Variants in PCDHA6 observed in about 807,000 individuals in gnomAD.
PCDHA6 encodes protocadherin alpha 6, also known as protocadherin alpha-6.
Under a neutral mutation model 60.3 loss-of-function variants are expected in PCDHA6, and 55 were observed. The ratio of observed to expected loss-of-function variants is 0.91; its 90% CI spans 0.73 to 1.14. PCDHA6 has a LOEUF of 1.14. Ranked by LOEUF, PCDHA6 falls within the 50% of genes most tolerant of loss-of-function variation. The pLI, the probability that PCDHA6 is intolerant of heterozygous loss-of-function variation, is 0.00. For synonymous variants in PCDHA6, 652 were observed against 557.9 expected (o/e 1.17, Z -2.38); for missense variants, 1,327 against 1,256.5 (o/e 1.06, Z -0.85).
intron 1 of PCDHA6, among the ~76,000 whole-genome samples, chr5:140,906,637 C>A (rs1171706512): frequency 6.6e-6 from 1 of 152,226 alleles, no homozygotes; most frequent in Non-Finnish European, 1.5e-5. Flanking sequence ...AGCACCTCAG[C>A]AGGTAGTGGT....
rs1354913404 is a variant in PCDHA6 at position 140,858,709 on chromosome 5, A to G, written c.2394+28224A>G. 5 of 545,256 alleles carry G rather than the reference A, an allele frequency of 9.2e-6. 1 individual carries two copies. The African/African-American group carries it at 9.7e-5, about 11-fold the overall frequency. The allele number at this position is 545,256 out of a possible 1,614,324, so 33.8% of individuals were successfully genotyped here. A position where few individuals can be genotyped will look rare whatever the true frequency, so the allele number is the denominator to read the frequency against. ...ATATTTTCCAATACAAATATGTGATATAGGTTGCAGTTCTGACGATTTACT... is the reference window on the plus strand; with the variant it reads ...ATATTTTCCAATACAAATATGTGATGTAGGTTGCAGTTCTGACGATTTACT... On this transcript the variant is annotated intron_variant, in intron 1 of 3. Transcript: ENST00000529310.
chr5:140,927,839 G>T (rs782594719), intron 1 of PCDHA6: 1 of 1,614,208 alleles, frequency 6.2e-7, no homozygotes, highest in South Asian at 1.1e-5. Context: ...AGGGACGAAG[G>T]TGTCTTTGGT....
Position 140,838,414 on chromosome 5 carries a change from G to A in PCDHA6, c.2394+7929G>A, listed in dbSNP as rs2150289048. 3.3e-5 allele frequency among the ~76,000 whole-genome samples: 5 copies of A among 151,096 alleles called. No homozygotes were observed. The South Asian group carries it at 6.3e-4, about 19-fold the overall frequency. On this transcript the variant is annotated intron_variant, in intron 1 of 3. Coordinates refer to ENST00000529310, the MANE Select transcript of PCDHA6 (RefSeq NM_018909.4). ...GCTGGGATTACAGGAGTGAGCCACC[G>A]CATCCGGCCTAAATTATATATTGGG...
At chr5:140,926,926 T>C in intron 1 of PCDHA6, 1 of 1,573,576 alleles carries the variant, frequency 6.4e-7, no homozygotes, top group South Asian at 1.2e-5. Flanking sequence ...TTTATGTTTG[T>C]GGGTTTCCTG....
At chr5:140,845,616 T>C (rs1554140941) in intron 1 of PCDHA6, among the ~76,000 whole-genome samples, 1 of 149,626 alleles carries the variant, frequency 6.7e-6, no homozygotes, top group Non-Finnish European at 1.5e-5. Flanking sequence ...TATTGTGGAT[T>C]CTGAAGCTCT....
chr5:141,006,503 G>A (rs1163915409), intron 3 of PCDHA6, among the ~76,000 whole-genome samples: 2 of 152,168 alleles, frequency 1.3e-5, no homozygotes, highest in South Asian at 2.1e-4. Context: ...GTGAGCCACC[G>A]CGCCTGGCTG....
At chr5:140,887,357 A>G (rs112910602) in intron 1 of PCDHA6, among the ~76,000 whole-genome samples, 1 of 152,032 alleles carries the variant, frequency 6.6e-6, no homozygotes, top group Non-Finnish European at 1.5e-5. Flanking sequence ...CGGCCTCCCA[A>G]AGTGCTGGGA....
intron 1 of PCDHA6, chr5:140,882,906 C>G: frequency 6.2e-7 from 1 of 1,614,200 alleles, no homozygotes; most frequent in Non-Finnish European, 8.5e-7. Context: ...TTATTACTGA[C>G]AGCCAGTGAT....
chr5:140,828,866 A>T lies in PCDHA6; in HGVS notation c.775A>T (p.Thr259Ser), dbSNP rs1769994516. 6.2e-7 allele frequency: 1 copy of T among 1,614,126 alleles called. No individual in the cohort carries two copies. The highest frequency in any genetic ancestry group is 1.7e-5 in the Admixed American group (1 of 60,010). Residue 259 changes from threonine (T) to serine (S), a missense_variant, in exon 1 of 4, where the codon ACA (threonine) becomes TCA (serine). Coordinates refer to ENST00000529310, the MANE Select transcript of PCDHA6 (RefSeq NM_018909.4). The stretch of plus-strand genomic sequence containing the variant: ...AATATTCGAAAATGCAGACAACGGA[A>T]CAACAGTTATCAGACTGAATGCTTC... The part of the protein sequence containing the change: ...VRIFENADNG[T>S]TVIRLNASDR...
At position 140,870,296 on chromosome 5, in the gene PCDHA6, C is replaced by T. The variant is rs782782375; in HGVS notation, c.2394+39811C>T. ...CCCCACGTTCCCTTCAAGCTGGTGTCCACCTTCAAGAATTACTACTCGTTG... is the reference window on the plus strand; with the variant it reads ...CCCCACGTTCCCTTCAAGCTGGTGTTCACCTTCAAGAATTACTACTCGTTG... On this transcript the variant is annotated intron_variant, in intron 1 of 3. Transcript: ENST00000529310. 1.2e-5 allele frequency: 20 copies of T among 1,614,086 alleles called. No homozygotes were observed. In the African/African-American group the frequency reaches 2.3e-4, roughly 18 times the overall value.
At chr5:140,857,150 A>C in intron 1 of PCDHA6, 1 of 1,598,240 alleles carries the variant, frequency 6.3e-7, no homozygotes, top group Non-Finnish European at 8.6e-7. Context: ...GGGCACCGTC[A>C]TTGCCCTAAT....
At chr5:140,882,071 ATGGTGTC>A in intron 1 of PCDHA6, 1 of 864,194 alleles carries the variant, frequency 1.2e-6, no homozygotes, top group Non-Finnish European at 1.7e-6. Context: ...GTTCATGCGC[ATGGTGTC>A]GCTCTTCACT....
At chr5:140,912,797 G>C (rs2076071117) in intron 1 of PCDHA6, among the ~76,000 whole-genome samples, 1 of 152,128 alleles carries the variant, frequency 6.6e-6, no homozygotes, top group South Asian at 2.1e-4. Flanking sequence ...CAATTTTCTT[G>C]AGGGTTTTTA....
At position 140,828,002 on chromosome 5, in the gene PCDHA6, G is replaced by A. The variant is rs2150150131; in HGVS notation, c.-90G>A. 1.2e-5 allele frequency: 18 copies of A among 1,499,082 alleles called. No individual in the cohort carries two copies. In the African/African-American group the frequency reaches 1.5e-4, roughly 13 times the overall value. 92.9% of individuals were successfully genotyped at this position (1,499,082 alleles called of 1,614,324 possible). ...TGACTGTTGAATGATGGCGGACGCAGAAGAAATGGATTAATAAATTCCGGA... is the reference window on the plus strand; with the variant it reads ...TGACTGTTGAATGATGGCGGACGCAAAAGAAATGGATTAATAAATTCCGGA... On this transcript the variant is annotated 5_prime_UTR_variant, in exon 1 of 4. Transcript: ENST00000529310.
rs2150408598 is a variant in PCDHA6, at chr5:140,848,320, T to A, written c.2394+17835T>A. The A allele has an allele frequency of 6.9e-5, 53 of 763,546 alleles. 1 individual carries two copies. The highest frequency in any genetic ancestry group is 1.0e-4 in the Non-Finnish European group (48 of 466,870). 47.3% of individuals were successfully genotyped at this position (763,546 alleles called of 1,614,324 possible). A position where few individuals can be genotyped will look rare whatever the true frequency, so the allele number is the denominator to read the frequency against. ...CGTGATGTCACTCTTTGCCGCGATG[T>A]TCTCTCTGAATCCAGACAAATACAG... is the stretch of plus-strand genomic sequence containing the variant. On this transcript the variant is annotated intron_variant, in intron 1 of 3. Transcript: ENST00000529310.
intron 1 of PCDHA6, chr5:140,968,753 C>G: frequency 1.2e-6 from 2 of 1,614,022 alleles, no homozygotes; most frequent in Non-Finnish European, 1.7e-6. Flanking sequence ...CGTGGTGGTC[C>G]GAGATAATGG....
rs2150165150 is a variant in PCDHA6, at chr5:140,829,284, T to A, written c.1193T>A (p.Val398Glu). 2 of 1,614,254 alleles carry A rather than the reference T, an allele frequency of 1.2e-6. No individual in the cohort carries two copies. Among genetic ancestry groups the A allele is most frequent in the South Asian group, 2.2e-5 (2 of 91,092 alleles). Residue 398 changes from valine (V) to glutamate (E), a missense_variant, in exon 1 of 4, where the codon GTG becomes GAG. Transcript: ENST00000529310. Reference sequence around the variant, plus strand: ...ACGCCTCACGTCCCTTTCAAGCTGGTGTCCACCTTCAAGAATTACTACTCG... The same window carrying A: ...ACGCCTCACGTCCCTTTCAAGCTGGAGTCCACCTTCAAGAATTACTACTCG... ...SLTPHVPFKLVSTFKNYYSLV... is the reference protein window; with the variant it reads ...SLTPHVPFKLESTFKNYYSLV...
Position 140,828,983 on chromosome 5 carries a change from A to T in PCDHA6, c.892A>T (p.Asn298Tyr). Residue 298 changes from asparagine (N) to tyrosine (Y), a missense_variant, in exon 1 of 4, where the codon AAT becomes TAT. Transcript: ENST00000529310. ...MVIDHFSIDR[N>Y]TGEIVIRGNL... ...TATTGACCACTTTAGCATAGATCGA[A>T]ATACGGGAGAAATAGTGATTCGGGG... The T allele has an allele frequency of 6.2e-7, 1 of 1,614,204 alleles. No individual in the cohort carries two copies. The highest frequency in any genetic ancestry group is 8.5e-7 in the Non-Finnish European group (1 of 1,180,010).
chr5:140,850,309 C>A, intron 1 of PCDHA6: 1 of 1,597,088 alleles, frequency 6.3e-7, no homozygotes, highest in Non-Finnish European at 8.6e-7. Context: ...GGCTACAACG[C>A]GTGGCTTTCA....
Sources: gnomAD v4.1 joint callset for allele counts (sites outside exome capture counted in the v4.1 genomes callset) on GRCh38, gnomAD v4.1.1 for gene constraint, MANE v1.5 for transcripts, NCBI Gene and HGNC (gene_info 2026-07-23, HGNC 2026-07-21) for gene names.